The following CSMD1 variants were observed in gnomAD, a reference collection of about 807,000 sequenced individuals.
CSMD1 encodes CUB and sushi domain-containing protein 1.
A neutral mutation model predicts 417.5 loss-of-function variants in CSMD1; 213 were observed. That is an observed-to-expected ratio of 0.51 (90% confidence interval 0.46 to 0.57). CSMD1 has a LOEUF of 0.57. CSMD1 is among the 20% of genes least tolerant of loss of function. The pLI, the probability that CSMD1 is intolerant of heterozygous loss-of-function variation, is 0.00. For synonymous variants in CSMD1, 2,862 were observed against 1,736.8 expected, an observed-to-expected ratio of 1.65 and a Z score of -16.11; for missense variants, 6,923 against 4,529.7, an observed-to-expected ratio of 1.53 and a Z score of -15.17.
intron 6 of CSMD1, among the ~76,000 whole-genome samples, chr8:3,734,657 G>A (rs962810930): frequency 6.6e-6 from 1 of 152,164 alleles, no homozygotes; most frequent in Non-Finnish European, 1.5e-5. Context: ...GTCGCAGTGA[G>A]CCAAAACTAC....
At chr8:3,691,405 AAAAC>A (rs1386916359) in intron 7 of CSMD1, among the ~76,000 whole-genome samples, 7 of 152,052 alleles carry the variant, frequency 4.6e-5, no homozygotes, top group African/African-American at 9.7e-5. Context: ...AAACAAAAAC[AAAAC>A]AAACAAAAAA....
chr8:4,390,627 C>A (rs1803786250), intron 3 of CSMD1, among the ~76,000 whole-genome samples: 2 of 152,016 alleles, frequency 1.3e-5, no homozygotes, highest in Non-Finnish European at 2.9e-5. Context: ...CATTCTCCTG[C>A]CTCAGCCTCC....
In CSMD1 at chr8:3,819,050, T is replaced by C. The variant is rs1414207352; in HGVS notation, c.819-65008A>G. 2.0e-5 allele frequency among the ~76,000 whole-genome samples: 3 copies of C among 152,258 alleles called. 1 individual carries two copies. In the East Asian group the frequency reaches 5.8e-4, roughly 29 times the overall value. Reference sequence around the variant, plus strand: ...CAGATTGACGGTAAAACATTTCCTGTTTGTAGGAAAATGGCACAGCTTCAT... The same window carrying C: ...CAGATTGACGGTAAAACATTTCCTGCTTGTAGGAAAATGGCACAGCTTCAT... On this transcript the variant is annotated intron_variant, in intron 5 of 69. Transcript: ENST00000635120.
intron 3 of CSMD1, among the ~76,000 whole-genome samples, chr8:4,210,043 A>G (rs961273249): frequency 2.0e-5 from 3 of 152,138 alleles, no homozygotes; most frequent in African/African-American, 7.2e-5. Context: ...TCCAGTGTCT[A>G]AGCCCTGCTT....
At chr8:3,773,064 G>A (rs1340116728) in intron 5 of CSMD1, among the ~76,000 whole-genome samples, 2 of 152,180 alleles carry the variant, frequency 1.3e-5, no homozygotes, top group African/African-American at 4.8e-5. Context: ...GAGCTCTCTG[G>A]GGCCTCTTCT....
intron 10 of CSMD1, among the ~76,000 whole-genome samples, chr8:3,532,273 A>T (rs1742597191): frequency 6.6e-6 from 1 of 152,182 alleles, no homozygotes; most frequent in South Asian, 2.1e-4. Context: ...AGGCCACTTC[A>T]CATGATTCTG....
intron 47 of CSMD1, among the ~76,000 whole-genome samples, chr8:3,096,309 C>T (rs1161963482): frequency 6.6e-6 from 1 of 152,166 alleles, no homozygotes; most frequent in African/African-American, 2.4e-5. Context: ...CCACAATTCC[C>T]ACCTATCGTG....
At position 4,180,862 on chromosome 8, in the gene CSMD1, T is replaced by C. The variant is rs553671670; in HGVS notation, c.416-148763A>G. Among the ~76,000 whole-genome samples, 4 of 152,288 alleles carry C rather than the reference T, an allele frequency of 2.6e-5. No individual in the cohort carries two copies. In the South Asian group the frequency reaches 8.3e-4, roughly 32 times the overall value. On this transcript the variant is annotated intron_variant, in intron 3 of 69. Coordinates refer to ENST00000635120, the MANE Select transcript of CSMD1 (RefSeq NM_033225.6). ...AATTATGATATTTAAAAGCTCACGATACTAAATTCTGAACTTGTAATTACT... is the reference window on the plus strand; with the variant it reads ...AATTATGATATTTAAAAGCTCACGACACTAAATTCTGAACTTGTAATTACT...
chr8:4,829,615 C>T (rs1040506534), intron 1 of CSMD1, among the ~76,000 whole-genome samples: 1 of 151,958 alleles, frequency 6.6e-6, no homozygotes, highest in Admixed American at 6.6e-5. Flanking sequence ...GTGGTCATGC[C>T]TGTGGTCCCA....
At chr8:3,668,729 G>GC (rs1356063532) in intron 7 of CSMD1, among the ~76,000 whole-genome samples, 2 of 152,178 alleles carry the variant, frequency 1.3e-5, no homozygotes, top group African/African-American at 4.8e-5. Flanking sequence ...TGGGAGCTCA[G>GC]GAGGGGCCAA....
At chr8:3,312,296 C>A (rs531599918) in intron 23 of CSMD1, among the ~76,000 whole-genome samples, 1 of 152,306 alleles carries the variant, frequency 6.6e-6, no homozygotes, top group Non-Finnish European at 1.5e-5. Flanking sequence ...GTAGTTTTCT[C>A]TTTATATGAC....
At chr8:3,462,723 T>C (rs78828513) in intron 12 of CSMD1, among the ~76,000 whole-genome samples, 8,480 of 151,984 alleles carry the variant, frequency 0.056, 359 homozygotes, top group East Asian at 0.15. Flanking sequence ...CACCCTGAAA[T>C]CATCACCTCT....
intron 1 of CSMD1, among the ~76,000 whole-genome samples, chr8:4,814,196 TTGTG>T (rs35824182): frequency 8.3e-4 from 125 of 149,800 alleles, no homozygotes; most frequent in Admixed American, 3.3e-3. Flanking sequence ...CAGAATGATT[TTGTG>T]TGTGTGTGTG....
intron 49 of CSMD1, among the ~76,000 whole-genome samples, chr8:3,082,248 T>C (rs1814156039): frequency 6.6e-6 from 1 of 152,194 alleles, no homozygotes; most frequent in Non-Finnish European, 1.5e-5. Context: ...CACGGAAAGA[T>C]CAAGCTTTCT....
chr8:4,428,743 G>C (rs763846051), intron 2 of CSMD1, among the ~76,000 whole-genome samples: 6 of 152,076 alleles, frequency 3.9e-5, no homozygotes, highest in Non-Finnish European at 7.4e-5. Context: ...TTATTGAGAA[G>C]GAGTCTAGCT....
intron 5 of CSMD1, among the ~76,000 whole-genome samples, chr8:3,903,487 G>T (rs904845063): frequency 6.6e-6 from 1 of 152,048 alleles, no homozygotes; most frequent in African/African-American, 2.4e-5. Context: ...TGGTATTATC[G>T]ACAGCAGAGA....
At chr8:4,614,829 A>G (rs572775948) in intron 2 of CSMD1, among the ~76,000 whole-genome samples, 2 of 152,254 alleles carry the variant, frequency 1.3e-5, no homozygotes, top group East Asian at 3.9e-4. Flanking sequence ...ATCAGACATT[A>G]TTTTTTTAAA....
chr8:4,909,422 A>G (rs1297708400), intron 1 of CSMD1, among the ~76,000 whole-genome samples: 1 of 152,150 alleles, frequency 6.6e-6, no homozygotes, highest in Non-Finnish European at 1.5e-5. Context: ...TTCCACTAGC[A>G]AGACAGGAAG....
rs7841700 is a variant in CSMD1, at chr8:4,410,813, T to C, written c.415+9140A>G. On this transcript the variant is annotated intron_variant, in intron 3 of 69. Coordinates refer to ENST00000635120, the MANE Select transcript of CSMD1 (RefSeq NM_033225.6). ...AGACTCCCCTCTGCAATGGTTTGAA[T>C]ATGGTTTGTCTCCACCAAAACATGT... 2.2e-3 allele frequency among the ~76,000 whole-genome samples: 335 copies of C among 152,350 alleles called. 1 individual carries two copies. The highest frequency in any genetic ancestry group is 7.2e-3 in the African/African-American group (299 of 41,578).
Sources: gnomAD v4.1 joint callset for allele counts (sites outside exome capture counted in the v4.1 genomes callset) on GRCh38, gnomAD v4.1.1 for gene constraint, MANE v1.5 for transcripts, NCBI Gene and HGNC (gene_info 2026-07-23, HGNC 2026-07-21) for gene names.